NOS1AP: variants seen among roughly 807,000 people sequenced by gnomAD.
NOS1AP encodes nitric oxide synthase 1 adaptor protein, also known as carboxyl-terminal PDZ ligand of neuronal nitric oxide synthase protein.
A neutral mutation model predicts 56.2 loss-of-function variants in NOS1AP; 21 were observed. The ratio of observed to expected loss-of-function variants is 0.37; its 90% confidence interval spans 0.26 to 0.54. The LOEUF (loss-of-function observed/expected upper bound fraction) is 0.54. Among genes scored for constraint, NOS1AP ranks in the 20% least tolerant of loss-of-function variants. NOS1AP has a pLI of 0.84. For synonymous variants in NOS1AP, 270 were observed against 274.6 expected, an observed-to-expected ratio of 0.98 and a Z score of 0.17; for missense variants, 522 against 657.8, an observed-to-expected ratio of 0.79 and a Z score of 2.26.
rs573034265 is a variant in NOS1AP at position 162,143,558 on chromosome 1, G to T, written c.106-10847G>T. ...TAGCCTTGACCTCCGGGGCTCAAGCGATCCTCCCACCATGGCCTCCTGATT... is the reference window on the plus strand; with the variant it reads ...TAGCCTTGACCTCCGGGGCTCAAGCTATCCTCCCACCATGGCCTCCTGATT... On this transcript the variant is annotated intron_variant, in intron 1 of 9. Transcript: ENST00000361897. 2.6e-5 allele frequency among the ~76,000 whole-genome samples: 4 copies of T among 152,210 alleles called. No homozygotes were observed. The East Asian group carries it at 7.7e-4, about 29-fold the overall frequency.
intron 2 of NOS1AP, among the ~76,000 whole-genome samples, chr1:162,194,863 C>T (rs947579126): frequency 5.9e-5 from 9 of 152,128 alleles, no homozygotes; most frequent in African/African-American, 1.9e-4. Flanking sequence ...CACATTCAGT[C>T]CTGAAAAAGT....
At chr1:162,290,075 A>C (rs1655239991) in intron 3 of NOS1AP, among the ~76,000 whole-genome samples, 1 of 152,228 alleles carries the variant, frequency 6.6e-6, no homozygotes, top group African/African-American at 2.4e-5. Flanking sequence ...GCCAGGCTGG[A>C]GTAGCATCTC....
intron 1 of NOS1AP, among the ~76,000 whole-genome samples, chr1:162,081,669 T>G (rs1263697773): frequency 6.7e-6 from 1 of 149,168 alleles, no homozygotes; most frequent in East Asian, 1.9e-4. Context: ...CAGCTCAGCC[T>G]TTCAAGTAGC....
intron 3 of NOS1AP, among the ~76,000 whole-genome samples, chr1:162,291,943 A>G (rs1019692482): frequency 1.3e-5 from 2 of 152,226 alleles, no homozygotes. Context: ...AATCCTGAGT[A>G]AGAAAGACTA....
At chr1:162,236,130 T>G (rs1653282190) in intron 2 of NOS1AP, among the ~76,000 whole-genome samples, 2 of 152,262 alleles carry the variant, frequency 1.3e-5, no homozygotes, top group South Asian at 4.1e-4. Context: ...CACCAGATTC[T>G]GTGTATCAGG....
chr1:162,106,660 TGTAGA>T (rs1461493587), intron 1 of NOS1AP, among the ~76,000 whole-genome samples: 1 of 152,262 alleles, frequency 6.6e-6, no homozygotes, highest in Non-Finnish European at 1.5e-5. Flanking sequence ...CAACTTGACT[TGTAGA>T]GTAATGTAGA....
intron 2 of NOS1AP, among the ~76,000 whole-genome samples, chr1:162,275,386 C>G (rs1654703838): frequency 6.6e-6 from 1 of 152,170 alleles, no homozygotes; most frequent in Non-Finnish European, 1.5e-5. Context: ...CCATGTTGGC[C>G]AGGCTGGTCT....
intron 5 of NOS1AP, among the ~76,000 whole-genome samples, chr1:162,341,061 C>T (rs1657093117): frequency 6.6e-6 from 1 of 152,140 alleles, no homozygotes; most frequent in South Asian, 2.1e-4. Flanking sequence ...AAGTCATTCT[C>T]CCACCACCTT....
chr1:162,128,052 T>C (rs1356156576), intron 1 of NOS1AP, among the ~76,000 whole-genome samples: 1 of 152,210 alleles, frequency 6.6e-6, no homozygotes, highest in East Asian at 1.9e-4. Flanking sequence ...CTTATGTTAA[T>C]GCTTCTGGAT....
chr1:162,257,667 A>G (rs933281490), intron 2 of NOS1AP, among the ~76,000 whole-genome samples: 3 of 151,880 alleles, frequency 2.0e-5, no homozygotes. Flanking sequence ...AAAAGAAAAA[A>G]GAAAGCCAGG....
chr1:162,115,317 A>G (rs1429949695), intron 1 of NOS1AP, among the ~76,000 whole-genome samples: 1 of 152,132 alleles, frequency 6.6e-6, no homozygotes, highest in East Asian at 1.9e-4. Context: ...TTGGGTGGTC[A>G]TTTTCTGACT....
At chr1:162,205,991 T>C (rs1255916832) in intron 2 of NOS1AP, among the ~76,000 whole-genome samples, 2 of 152,170 alleles carry the variant, frequency 1.3e-5, no homozygotes, top group African/African-American at 4.8e-5. Flanking sequence ...AGCAAAGCAG[T>C]CATTTATACT....
chr1:162,292,754 T>G lies in NOS1AP; in HGVS notation c.270+5318T>G, dbSNP rs147202791. Among the ~76,000 whole-genome samples the G allele has an allele frequency of 2.2e-4, 33 of 152,326 alleles. No individual in the cohort carries two copies. In the East Asian group the frequency reaches 3.9e-3, roughly 18 times the overall value. The stretch of plus-strand genomic sequence containing the variant: ...TGGGTGTATTACATCACAGGGAAAC[T>G]ATGTTCCTGCCCAAACAGTAGTGCT... On this transcript the variant is annotated intron_variant, in intron 3 of 9. Coordinates refer to ENST00000361897, the MANE Select transcript of NOS1AP (RefSeq NM_014697.3).
In NOS1AP at chr1:162,343,968, G is replaced by T. The variant is rs373351467; in HGVS notation, c.587G>T (p.Gly196Val). 1.5e-4 allele frequency: 237 copies of T among 1,614,012 alleles called. No individual in the cohort carries two copies. Among genetic ancestry groups the T allele is most frequent in the Non-Finnish European group, 2.0e-4 (232 of 1,180,020 alleles). Residue 196 changes from glycine to valine, a missense_variant, in exon 6 of 10, where the codon GGA becomes GTA. Physicochemically the swap from Gly to Val is moderately radical, Grantham distance 109 (BLOSUM62 -3). Transcript: ENST00000361897. ...AGCGAGAGGAACAGCAACAGCTCAGGAGACCCAGGTAGGCACTGCGGCTTC... is the reference window on the plus strand; with the variant it reads ...AGCGAGAGGAACAGCAACAGCTCAGTAGACCCAGGTAGGCACTGCGGCTTC... ...GESERNSNSSGDPGRQLTGAE... is the reference protein window; with the variant it reads ...GESERNSNSSVDPGRQLTGAE...
At chr1:162,360,173 G>A (rs533184083) in intron 8 of NOS1AP, among the ~76,000 whole-genome samples, 20 of 152,202 alleles carry the variant, frequency 1.3e-4, no homozygotes, top group South Asian at 6.2e-4. Context: ...AAAGGGGCCC[G>A]CCCTGACCTT....
At chr1:162,221,322 G>A (rs895087792) in intron 2 of NOS1AP, among the ~76,000 whole-genome samples, 1 of 152,116 alleles carries the variant, frequency 6.6e-6, no homozygotes. Context: ...CGCATTGAAG[G>A]CTTGCTGATT....
intron 6 of NOS1AP, among the ~76,000 whole-genome samples, chr1:162,351,336 A>G (rs1657487924): frequency 6.6e-6 from 1 of 152,226 alleles, no homozygotes; most frequent in Admixed American, 6.5e-5. Context: ...GACTGTACCA[A>G]TCTGGCTAAA....
chr1:162,221,542 A>G (rs916394776), intron 2 of NOS1AP, among the ~76,000 whole-genome samples: 48 of 147,886 alleles, frequency 3.2e-4, no homozygotes, highest in East Asian at 1.2e-3. Context: ...GCGCACACAC[A>G]CACACACACA....
chr1:162,272,134 G>C (rs1354564942), intron 2 of NOS1AP, among the ~76,000 whole-genome samples: 1 of 152,094 alleles, frequency 6.6e-6, no homozygotes. Context: ...TTACAGGCAT[G>C]AGCCACCACT....
Sources: allele counts gnomAD v4.1 joint callset (sites outside exome capture counted in the v4.1 genomes callset), GRCh38; gene constraint gnomAD v4.1.1; transcripts MANE v1.5; gene names NCBI Gene and HGNC (gene_info 2026-07-23, HGNC 2026-07-21).